SLC36A3: variants seen among roughly 807,000 people sequenced by gnomAD.
The protein encoded by SLC36A3 is proton-coupled amino acid transporter 3.
A neutral mutation model predicts 44.3 loss-of-function variants in SLC36A3; 35 were observed. The observed-to-expected ratio is 0.79, with a 90% CI of 0.60 to 1.05. The LOEUF (loss-of-function observed/expected upper bound fraction) is 1.05, where lower values mean the gene tolerates loss of function less well. Ranked by LOEUF, SLC36A3 falls within the 50% of genes least tolerant of loss-of-function variation. The pLI, the probability that SLC36A3 is intolerant of heterozygous loss-of-function variation, is 0.00. For missense variants in SLC36A3, 540 were observed against 578.7 expected, an observed-to-expected ratio of 0.93 and a Z score of 0.69; for synonymous variants, 211 against 227.6, an observed-to-expected ratio of 0.93 and a Z score of 0.66.
chr5:151,295,597 CG>C (rs1396316139), intron 3 of SLC36A3, among the ~76,000 whole-genome samples: 3 of 152,190 alleles, frequency 2.0e-5, no homozygotes, highest in Admixed American at 6.5e-5. Flanking sequence ...AGTAGCTGAG[CG>C]CTGTGGATCT....
At chr5:151,282,254 C>T (rs1014594719) in intron 8 of SLC36A3, among the ~76,000 whole-genome samples, 10 of 151,848 alleles carry the variant, frequency 6.6e-5, no homozygotes, top group Admixed American at 2.0e-4. Flanking sequence ...CCACAACTTC[C>T]GCCTCCTGGA....
intron 1 of SLC36A3, 81 bp downstream of exon 1, chr5:151,303,146 T>A: frequency 1.3e-6 from 2 of 1,500,578 alleles, no homozygotes; most frequent in African/African-American, 1.4e-5. Flanking sequence ...GTTAAGGAGA[T>A]AGATGAAGGA....
intron 7 of SLC36A3, 50 bp downstream of exon 7, chr5:151,284,563 C>A: frequency 7.2e-7 from 1 of 1,387,632 alleles, no homozygotes; most frequent in South Asian, 1.3e-5. Flanking sequence ...CTACAGTTGG[C>A]CACTGTAGAG....
rs775092068 is a variant in SLC36A3, at chr5:151,293,367, C to T, written c.401G>A (p.Gly134Glu). 1 of 1,612,688 alleles carries T rather than the reference C, an allele frequency of 6.2e-7. No individual in the cohort carries two copies. Among genetic ancestry groups the T allele is most frequent in the Non-Finnish European group, 8.5e-7 (1 of 1,179,164 alleles). ...NTWLRAHAVW[G>E]RYTVSFLLVI... ...CTACAACATCTGTGACTACTACCTT[C>T]CCCACACTGCATGGGCCCTCAGCCA... is the stretch of plus-strand genomic sequence containing the variant. Residue 134 changes from glycine to glutamate, a missense_variant, in exon 4 of 10, where the codon GGA (glycine) becomes GAA (glutamate). By Grantham distance (98) the Gly-to-Glu change is moderately conservative. Coordinates refer to ENST00000335230, the MANE Select transcript of SLC36A3 (RefSeq NM_181774.4).
intron 1 of SLC36A3, among the ~76,000 whole-genome samples, chr5:151,299,260 CTCTCTATATATA>C (rs1433629821): frequency 9.6e-4 from 63 of 65,462 alleles, no homozygotes; most frequent in Admixed American, 8.0e-3. Context: ...CTCTCTCTCT[CTCTCTATATATA>C]TATATATATA....
At chr5:151,292,488 C>T (rs1360134588) in intron 4 of SLC36A3, among the ~76,000 whole-genome samples, 2 of 152,156 alleles carry the variant, frequency 1.3e-5, no homozygotes, top group Non-Finnish European at 2.9e-5. Flanking sequence ...CTTTATAAGC[C>T]TCATATTTCC....
At chr5:151,296,453 G>A (rs911751967) in intron 2 of SLC36A3, 185 bp from the exon 3 acceptor site, 16 of 617,614 alleles carry the variant, frequency 2.6e-5, no homozygotes, top group Non-Finnish European at 4.7e-5. Context: ...CATCCCTGTA[G>A]AGTGGCTGCC....
intron 1 of SLC36A3, among the ~76,000 whole-genome samples, chr5:151,302,199 A>G (rs1755183942): frequency 6.6e-6 from 1 of 152,184 alleles, no homozygotes; most frequent in South Asian, 2.1e-4. Context: ...TACAAATGAC[A>G]TTTTACGATT....
intron 3 of SLC36A3, 98 bp downstream of exon 3, chr5:151,296,082 G>C: frequency 9.0e-7 from 1 of 1,109,504 alleles, no homozygotes. Flanking sequence ...AGGTGGCCTG[G>C]AGCAGTGGCC....
At chr5:151,277,728 T>C in intron 9 of SLC36A3, 67 bp from the exon 10 acceptor site, 1 of 1,542,226 alleles carries the variant, frequency 6.5e-7, no homozygotes, top group East Asian at 2.4e-5. Context: ...TTTGGAGCCC[T>C]AGAATTTCAC....
At chr5:151,287,761 T>A (rs1754598909) in intron 5 of SLC36A3, among the ~76,000 whole-genome samples, 1 of 152,188 alleles carries the variant, frequency 6.6e-6, no homozygotes, top group East Asian at 1.9e-4. Flanking sequence ...CTCAAACCTT[T>A]TCTTCTCCAC....
At chr5:151,280,794 A>G (rs1754280307) in intron 9 of SLC36A3, among the ~76,000 whole-genome samples, 1 of 152,150 alleles carries the variant, frequency 6.6e-6, no homozygotes, top group South Asian at 2.1e-4. Flanking sequence ...GCCAGCATCT[A>G]TTTTCTATGT....
At chr5:151,282,507 A>T (rs1754365344) in intron 8 of SLC36A3, among the ~76,000 whole-genome samples, 1 of 152,066 alleles carries the variant, frequency 6.6e-6, no homozygotes, top group African/African-American at 2.4e-5. Context: ...CCCTGCCAGT[A>T]CACATAGATC....
intron 9 of SLC36A3, 123 bp from the exon 10 acceptor site, chr5:151,277,784 C>T (rs1754151462): frequency 1.6e-6 from 2 of 1,275,402 alleles, no homozygotes; most frequent in African/African-American, 3.0e-5. Context: ...GAGCCTACTG[C>T]AGGCTTGGGG....
chr5:151,294,717 C>A (rs1443341613), intron 3 of SLC36A3, among the ~76,000 whole-genome samples: 1 of 151,852 alleles, frequency 6.6e-6, no homozygotes, highest in Non-Finnish European at 1.5e-5. Context: ...AAAACCTCCG[C>A]CTCCCGGGTT....
At chr5:151,279,839 C>T (rs56003737) in intron 9 of SLC36A3, among the ~76,000 whole-genome samples, 2,097 of 152,318 alleles carry the variant, frequency 0.014, 35 homozygotes, top group African/African-American at 0.047. Context: ...TTGATTCCTT[C>T]AATGACTTTA....
intron 1 of SLC36A3, among the ~76,000 whole-genome samples, chr5:151,299,770 C>A (rs978119178): frequency 6.6e-6 from 1 of 151,998 alleles, no homozygotes; most frequent in Non-Finnish European, 1.5e-5. Flanking sequence ...TGTTTCACTG[C>A]CAAAAAAGGG....
intron 4 of SLC36A3, 25 bp downstream of exon 4, chr5:151,293,339 C>G: frequency 1.3e-6 from 2 of 1,581,502 alleles, no homozygotes; most frequent in South Asian, 1.2e-5. Flanking sequence ...TTTGTTGTTA[C>G]TACTACAACA....
At chr5:151,299,227 T>TCG (rs1400560275) in intron 1 of SLC36A3, among the ~76,000 whole-genome samples, 646 of 56,896 alleles carry the variant, frequency 0.011, 2 homozygotes, top group Middle Eastern at 0.034. Flanking sequence ...GCTTGTGCGC[T>TCG]CTCTCTCTCT....
Sources: allele counts gnomAD v4.1 joint callset (sites outside exome capture counted in the v4.1 genomes callset), GRCh38; gene constraint gnomAD v4.1.1; transcripts MANE v1.5; gene names NCBI Gene and HGNC (gene_info 2026-07-23, HGNC 2026-07-21).